SLC16A1: variants seen among roughly 807,000 people sequenced by gnomAD.
SLC16A1 encodes solute carrier family 16 member 1.
SLC16A1 carries 11 observed loss-of-function variants against 32.2 expected under a neutral mutation model. The observed-to-expected ratio is 0.34, with a 90% CI of 0.21 to 0.56. SLC16A1 has a LOEUF of 0.56. SLC16A1 is among the 20% of genes least tolerant of loss of function. The pLI is 0.87. For synonymous variants in SLC16A1, 231 were observed against 226.8 expected, an observed-to-expected ratio of 1.02 and a Z score of -0.17; for missense variants, 435 against 615.0, an observed-to-expected ratio of 0.71 and a Z score of 3.10.
At chr1:112,943,155 G>C (rs1024076610) in intron 1 of SLC16A1, among the ~76,000 whole-genome samples, 12 of 152,216 alleles carry the variant, frequency 7.9e-5, no homozygotes, top group Non-Finnish European at 1.6e-4. Flanking sequence ...GTATAAAATG[G>C]ATCACTTACT....
chr1:112,951,808 GTGT>G (rs1213777319), intron 1 of SLC16A1, among the ~76,000 whole-genome samples: 2 of 152,148 alleles, frequency 1.3e-5, no homozygotes, highest in Admixed American at 1.3e-4. Flanking sequence ...GAAAACGACA[GTGT>G]CTCAATAACA....
rs1359091011 is a variant in SLC16A1, at chr1:112,943,442, CA to C, written c.-45+12592del. Among the ~76,000 whole-genome samples, 130 of 152,244 alleles carry C rather than the reference CA, an allele frequency of 8.5e-4. 1 individual carries two copies. The highest frequency in any genetic ancestry group is 1.9e-4 in the Non-Finnish European group (13 of 68,008). ...TTTTAGGATAATAGCCAAAGAAGATCAAATATCAATGTCCTAAATTATCAAA... is the reference window on the plus strand; with the variant it reads ...TTTTAGGATAATAGCCAAAGAAGATCAATATCAATGTCCTAAATTATCAAA... On this transcript the variant is annotated intron_variant, in intron 1 of 4. Coordinates refer to ENST00000369626, the MANE Select transcript of SLC16A1 (RefSeq NM_003051.4).
At chr1:112,929,997 T>C (rs74840045) in intron 1 of SLC16A1, among the ~76,000 whole-genome samples, 6,846 of 152,316 alleles carry the variant, frequency 0.045, 292 homozygotes, top group East Asian at 0.16. Context: ...CCCTATGTAC[T>C]TCTTCATCTG....
chr1:112,941,981 T>G (rs1037805397), intron 1 of SLC16A1, among the ~76,000 whole-genome samples: 3 of 152,112 alleles, frequency 2.0e-5, no homozygotes, highest in Non-Finnish European at 4.4e-5. Flanking sequence ...GACCCCCTTT[T>G]TTTTTTGAGA....
At chr1:112,950,094 C>T (rs1649836813) in intron 1 of SLC16A1, among the ~76,000 whole-genome samples, 1 of 152,154 alleles carries the variant, frequency 6.6e-6, no homozygotes, top group Non-Finnish European at 1.5e-5. Flanking sequence ...TTGTTGCCTA[C>T]ACTCATATTT....
intron 2 of SLC16A1, among the ~76,000 whole-genome samples, chr1:112,926,313 A>G (rs966004354): frequency 4.3e-4 from 66 of 152,366 alleles, no homozygotes; most frequent in African/African-American, 1.6e-3. Context: ...GGCCGTTGCC[A>G]GGCGCAGTGG....
chr1:112,921,669 G>T (rs1193232766), intron 3 of SLC16A1, among the ~76,000 whole-genome samples: 2 of 152,114 alleles, frequency 1.3e-5, no homozygotes, highest in African/African-American at 4.8e-5. Context: ...AATGTTATGT[G>T]GACATTCTAT....
intron 3 of SLC16A1, among the ~76,000 whole-genome samples, chr1:112,920,745 T>C (rs1437557211): frequency 6.6e-6 from 1 of 152,006 alleles, no homozygotes; most frequent in African/African-American, 2.4e-5. Flanking sequence ...ACATACAAGA[T>C]GGAAACCATA....
intron 1 of SLC16A1, among the ~76,000 whole-genome samples, chr1:112,954,063 C>A (rs1649993057): frequency 6.6e-6 from 1 of 152,204 alleles, no homozygotes; most frequent in African/African-American, 2.4e-5. Flanking sequence ...TAGCCAATAA[C>A]AAATTGCCGA....
At chr1:112,927,403 A>G (rs924842727) in intron 2 of SLC16A1, among the ~76,000 whole-genome samples, 1 of 152,202 alleles carries the variant, frequency 6.6e-6, no homozygotes, top group South Asian at 2.1e-4. Context: ...AAAGCACTAA[A>G]AAAGAAAACA....
chr1:112,933,347 G>A (rs1239205414), intron 1 of SLC16A1, among the ~76,000 whole-genome samples: 8 of 151,816 alleles, frequency 5.3e-5, no homozygotes, highest in Middle Eastern at 3.4e-3. Flanking sequence ...AGCTACTCGG[G>A]AGGCTGAGGC....
intron 1 of SLC16A1, among the ~76,000 whole-genome samples, chr1:112,933,255 G>A (rs1649197284): frequency 6.6e-6 from 1 of 151,952 alleles, no homozygotes; most frequent in Non-Finnish European, 1.5e-5. Flanking sequence ...GGATCACGAG[G>A]TCAGGAGTTT....
chr1:112,924,342 T>C lies in SLC16A1; in HGVS notation c.218-2209A>G. On this transcript the variant is annotated intron_variant, in intron 2 of 4. Coordinates refer to ENST00000369626, the MANE Select transcript of SLC16A1 (RefSeq NM_003051.4). ...TCACGAATGTCCCAACTACTTCCAC[T>C]AGGCCCATCGTTTCTCAGGTTGCCC... The C allele has an allele frequency of 3.1e-6, 4 of 1,310,254 alleles. No individual in the cohort carries two copies. In the South Asian group the frequency reaches 4.7e-5, roughly 15 times the overall value. The allele number at this position is 1,310,254 out of a possible 1,614,324, so 81.2% of individuals were successfully genotyped here.
chr1:112,926,161 C>T (rs957975410), intron 2 of SLC16A1, among the ~76,000 whole-genome samples: 9 of 152,178 alleles, frequency 5.9e-5, no homozygotes, highest in Admixed American at 5.9e-4. Flanking sequence ...AGAAGGTGCT[C>T]TCTTTCCATC....
chr1:112,917,850 G>C lies in SLC16A1; in HGVS notation c.556C>G (p.Leu186Val). 1.2e-6 allele frequency: 2 copies of C among 1,613,316 alleles called. No homozygotes were observed. The highest frequency in any genetic ancestry group is 8.5e-7 in the Non-Finnish European group (1 of 1,179,710). ...AGGGCTCCAGCAACACAGCAGTTTA[G>C]TAGCAAGCCCCCAAGAATTAGAAAG... ...GSFLILGGLLLNCCVAGALMR... is the reference protein window; with the variant it reads ...GSFLILGGLLVNCCVAGALMR... The change falls in exon 4 of 5, where the codon CTA (leucine) becomes GTA (valine). Residue 186 changes from leucine to valine, a missense_variant. By Grantham distance (32) the Leu-to-Val change is conservative (BLOSUM62 1). Around this residue, in one of 2 missense-constraint regions of SLC16A1, gnomAD observed 324 missense variants for 500.3 expected, o/e 0.65. Coordinates refer to ENST00000369626, the MANE Select transcript of SLC16A1 (RefSeq NM_003051.4). This position sits in a 1 kb window ranked among gnomAD's most constrained non-coding sequence, Gnocchi z 4.1.
chr1:112,933,059 T>A (rs962012142), intron 1 of SLC16A1, among the ~76,000 whole-genome samples: 2 of 152,174 alleles, frequency 1.3e-5, no homozygotes, highest in Non-Finnish European at 2.9e-5. Flanking sequence ...ATGTATGAGA[T>A]ATGTACACTG....
At chr1:112,953,441 G>A (rs1649968894) in intron 1 of SLC16A1, among the ~76,000 whole-genome samples, 1 of 152,206 alleles carries the variant, frequency 6.6e-6, no homozygotes, top group African/African-American at 2.4e-5. Flanking sequence ...GGGATTACAG[G>A]CGTGAGCCAC....
chr1:112,929,481 A>AGGCAGGAGGATCATTTGAG (rs1553209653), intron 1 of SLC16A1, 129 bp from the exon 2 acceptor site: 1 of 646,804 alleles, frequency 1.5e-6, no homozygotes, highest in Non-Finnish European at 2.7e-6. Context: ...TGGGAGGTTG[A>AGGCAGGAGGATCATTTGAG]GGCAGGAGGA....
intron 1 of SLC16A1, among the ~76,000 whole-genome samples, chr1:112,933,455 CAA>C (rs55668332): frequency 3.8e-4 from 32 of 83,720 alleles, no homozygotes; most frequent in African/African-American, 8.4e-4. Flanking sequence ...GACTGCGTCT[CAA>C]AAAAAAAAAA....
Sources: allele counts gnomAD v4.1 joint callset (sites outside exome capture counted in the v4.1 genomes callset), GRCh38; gene constraint gnomAD v4.1.1; regional missense constraint gnomAD v4.1.1; non-coding constraint Gnocchi (gnomAD v3.1); transcripts MANE v1.5; gene names NCBI Gene and HGNC (gene_info 2026-07-23, HGNC 2026-07-21).